The following UPP2 variants were observed in gnomAD, a reference collection of about 807,000 sequenced individuals.
The protein encoded by UPP2 is uridine phosphorylase 2.
A neutral mutation model predicts 26.7 loss-of-function variants in UPP2; 23 were observed. The ratio of observed to expected loss-of-function variants is 0.86; its 90% CI spans 0.62 to 1.22. The LOEUF is 1.22. UPP2 is among the 50% of genes most tolerant of loss of function. UPP2 has a pLI of 0.00. For synonymous variants in UPP2, 127 were observed against 141.3 expected, an observed-to-expected ratio of 0.90 and a Z score of 0.72; for missense variants, 387 against 396.7, an observed-to-expected ratio of 0.98 and a Z score of 0.21.
chr2:158,082,299 C>T (rs1682739960), intron 3 of UPP2, among the ~76,000 whole-genome samples: 1 of 152,100 alleles, frequency 6.6e-6, no homozygotes, highest in Non-Finnish European at 1.5e-5. Flanking sequence ...TTTGGGTGCA[C>T]CTATCTCCAG....
chr2:158,009,781 T>C (rs1397851251), intron 2 of UPP2, among the ~76,000 whole-genome samples: 1 of 152,224 alleles, frequency 6.6e-6, no homozygotes, highest in African/African-American at 2.4e-5. Flanking sequence ...CCAGGGTGAA[T>C]GGGCATTCTC....
At chr2:158,017,349 T>C (rs774244979) in intron 3 of UPP2, among the ~76,000 whole-genome samples, 7 of 152,140 alleles carry the variant, frequency 4.6e-5, no homozygotes, top group Non-Finnish European at 7.3e-5. Flanking sequence ...TAGAACAACA[T>C]ATTTAAGCCA....
At chr2:158,101,791 AG>A, upstream of UPP2, 1 of 1,162,726 alleles carries the variant, frequency 8.6e-7, no homozygotes. Flanking sequence ...ACACCTTCAA[AG>A]GGGGCCTATC....
At chr2:158,027,364 T>C (rs748680343) in intron 3 of UPP2, among the ~76,000 whole-genome samples, 1 of 152,172 alleles carries the variant, frequency 6.6e-6, no homozygotes, top group East Asian at 1.9e-4. Flanking sequence ...ACAGGACCCA[T>C]GCAAGTCCGA....
At chr2:158,123,681 GCCT>G in intron 5 of UPP2, 65 bp from the exon 6 acceptor site, 3 of 1,562,328 alleles carry the variant, frequency 1.9e-6, no homozygotes, top group South Asian at 2.4e-5. Flanking sequence ...CCAACAGCAA[GCCT>G]CCTATGAGGC....
chr2:158,036,389 C>T (rs1684000459), intron 3 of UPP2, among the ~76,000 whole-genome samples: 1 of 152,106 alleles, frequency 6.6e-6, no homozygotes, highest in Non-Finnish European at 1.5e-5. Context: ...GACATTGATG[C>T]CTCCCAGCAC....
chr2:158,045,683 CAG>C (rs1422758924), intron 3 of UPP2, among the ~76,000 whole-genome samples: 2 of 152,136 alleles, frequency 1.3e-5, no homozygotes, highest in Admixed American at 6.5e-5. Flanking sequence ...GTAGAGGAAA[CAG>C]AGTTTGGGGA....
At chr2:158,132,406 C>T (rs1012693730) in intron 6 of UPP2, among the ~76,000 whole-genome samples, 1 of 152,162 alleles carries the variant, frequency 6.6e-6, no homozygotes, top group Admixed American at 6.5e-5. Context: ...AGTTGATTGG[C>T]TCTGACCAGC....
intron 3 of UPP2, among the ~76,000 whole-genome samples, chr2:158,034,602 A>AT (rs1303342481): frequency 1.3e-5 from 2 of 152,308 alleles, no homozygotes; most frequent in African/African-American, 2.4e-5. Context: ...ATTGAAGTCC[A>AT]TTTCCTTCCA....
chr2:158,085,646 G>C (rs1172912011), intron 3 of UPP2, among the ~76,000 whole-genome samples: 1 of 152,062 alleles, frequency 6.6e-6, no homozygotes, highest in African/African-American at 2.4e-5. Context: ...GTTTGTCATA[G>C]ATGGCTTTTA....
chr2:158,074,690 T>TACACATACACACAC (rs372083360), intron 3 of UPP2, among the ~76,000 whole-genome samples: 2 of 135,404 alleles, frequency 1.5e-5, no homozygotes, highest in Non-Finnish European at 3.1e-5. Flanking sequence ...AAGACCTTCA[T>TACACATACACACAC]ACACACACAC....
chr2:158,065,584 T>A, intron 3 of UPP2: 1 of 555,982 alleles, frequency 1.8e-6, no homozygotes, highest in Non-Finnish European at 3.5e-6. Context: ...GGAAGTCACA[T>A]ACAAGAACAT....
At chr2:158,083,471 C>T (rs1008434742) in intron 3 of UPP2, among the ~76,000 whole-genome samples, 13 of 151,870 alleles carry the variant, frequency 8.6e-5, no homozygotes, top group Middle Eastern at 3.4e-3. Flanking sequence ...AACCAAACAC[C>T]GCATGTTTTC....
intron 3 of UPP2, among the ~76,000 whole-genome samples, chr2:158,091,778 C>A (rs577360652): frequency 1.0e-3 from 152 of 152,290 alleles, no homozygotes; most frequent in Middle Eastern, 3.4e-3. Context: ...AGCAGACTAC[C>A]CTGGGCATGT....
intron 3 of UPP2, among the ~76,000 whole-genome samples, chr2:158,083,102 T>C (rs1480780456): frequency 2.6e-5 from 4 of 152,160 alleles, no homozygotes; most frequent in African/African-American, 7.2e-5. Context: ...TTTTACACTG[T>C]TGGTGGGAGT....
intron 3 of UPP2, among the ~76,000 whole-genome samples, chr2:158,084,304 C>T (rs1292328207): frequency 6.6e-6 from 1 of 151,960 alleles, no homozygotes; most frequent in Non-Finnish European, 1.5e-5. Flanking sequence ...TGTATACCTT[C>T]TTGAATAGAA....
chr2:158,116,762 T>A (rs570340900), intron 3 of UPP2, among the ~76,000 whole-genome samples: 1 of 152,328 alleles, frequency 6.6e-6, no homozygotes, highest in African/African-American at 2.4e-5. Context: ...ACTTAGAGCA[T>A]TTATTCATTA....
At chr2:158,067,840 T>G (rs1262290200) in intron 3 of UPP2, among the ~76,000 whole-genome samples, 1 of 152,160 alleles carries the variant, frequency 6.6e-6, no homozygotes, top group African/African-American at 2.4e-5. Context: ...CTTAGCATCT[T>G]TAAGTTGCAA....
chr2:158,098,246 C>T (rs1288475089), upstream of UPP2, among the ~76,000 whole-genome samples: 8 of 152,144 alleles, frequency 5.3e-5, no homozygotes, highest in East Asian at 1.6e-3. Context: ...TCTGCGGTGA[C>T]CACCCACCCT....
Sources: allele counts gnomAD v4.1 joint callset (sites outside exome capture counted in the v4.1 genomes callset), GRCh38; gene constraint gnomAD v4.1.1; transcripts MANE v1.5; gene names NCBI Gene and HGNC (gene_info 2026-07-23, HGNC 2026-07-21).